C4BPA: variants seen among roughly 807,000 people sequenced by gnomAD.
C4BPA encodes the protein C4b-binding protein alpha chain.
Under a neutral mutation model 63.7 loss-of-function variants are expected in C4BPA, and 31 were observed. The ratio of observed to expected loss-of-function variants is 0.49; its 90% confidence interval spans 0.37 to 0.66. The LOEUF (loss-of-function observed/expected upper bound fraction) is 0.66, where lower values mean the gene tolerates loss of function less well. C4BPA is among the 30% of genes least tolerant of loss of function. C4BPA has a pLI of 0.00. For synonymous variants in C4BPA, 259 were observed against 254.7 expected, an observed-to-expected ratio of 1.02 and a Z score of -0.16; for missense variants, 572 against 723.3, an observed-to-expected ratio of 0.79 and a Z score of 2.40.
intron 1 of C4BPA, among the ~76,000 whole-genome samples, chr1:207,112,685 T>C (rs1684694078): frequency 6.6e-6 from 1 of 152,204 alleles, no homozygotes; most frequent in Non-Finnish European, 1.5e-5. Context: ...CAAATTGGAA[T>C]ATTATCTATT....
chr1:207,105,677 C>T (rs1392071004), intron 1 of C4BPA, among the ~76,000 whole-genome samples: 1 of 151,710 alleles, frequency 6.6e-6, no homozygotes, highest in African/African-American at 2.4e-5. Context: ...AGGAAGAAGA[C>T]ACTCAGCCCG....
At chr1:207,105,562 AAAAAAAAAAAAG>A (rs1483966482) in intron 1 of C4BPA, among the ~76,000 whole-genome samples, 92 of 151,176 alleles carry the variant, frequency 6.1e-4, no homozygotes, top group African/African-American at 1.9e-3. Flanking sequence ...CACCTCAAAA[AAAAAAAAAAAAG>A]AAAAAAAAAA....
intron 1 of C4BPA, among the ~76,000 whole-genome samples, chr1:207,106,998 A>G (rs1684575282): frequency 6.6e-6 from 1 of 152,210 alleles, no homozygotes; most frequent in African/African-American, 2.4e-5. Context: ...CTTGTCTTCA[A>G]GGAATTCACA....
At chr1:207,124,083 G>T in intron 5 of C4BPA, 76 bp downstream of exon 5, 1 of 1,477,862 alleles carries the variant, frequency 6.8e-7, no homozygotes, top group Non-Finnish European at 9.5e-7. Context: ...ATCTTTACAG[G>T]TATGTGTACC....
intron 8 of C4BPA, 100 bp from the exon 9 acceptor site, chr1:207,134,304 T>C: frequency 1.2e-6 from 1 of 851,634 alleles, no homozygotes; most frequent in Non-Finnish European, 1.9e-6. Context: ...CAATCTCTCT[T>C]CAGTGGTGAG....
intron 6 of C4BPA, among the ~76,000 whole-genome samples, chr1:207,125,117 C>T (rs901346299): frequency 1.3e-5 from 2 of 152,144 alleles, no homozygotes; most frequent in African/African-American, 4.8e-5. Flanking sequence ...GCTTACTAAC[C>T]CACCACAGGA....
intron 1 of C4BPA, among the ~76,000 whole-genome samples, chr1:207,111,496 T>C (rs114007114): frequency 0.022 from 3,382 of 152,208 alleles, 115 homozygotes; most frequent in African/African-American, 0.077. Flanking sequence ...CAGAACTAAG[T>C]TTTAGAAAGA....
rs1336216532 is a variant in C4BPA, at chr1:207,117,321, CG to C, written c.428+1807del. 2.0e-5 allele frequency among the ~76,000 whole-genome samples: 3 copies of C among 152,188 alleles called. No homozygotes were observed. The East Asian group carries it at 5.8e-4, about 29-fold the overall frequency. On this transcript the variant is annotated intron_variant, in intron 4 of 11. Coordinates refer to ENST00000367070, the MANE Select transcript of C4BPA (RefSeq NM_000715.4). ...AAAACATTAGCCGAGTGTGGTAGCA[CG>C]CACTTCTAGTCCCAGCTATGCAACA...
chr1:207,133,356 T>A (rs1466621148), intron 8 of C4BPA, among the ~76,000 whole-genome samples: 3 of 152,252 alleles, frequency 2.0e-5, no homozygotes, highest in Non-Finnish European at 4.4e-5. Flanking sequence ...ATGTAATATT[T>A]TATTCTGTTT....
chr1:207,131,859 C>G, intron 8 of C4BPA, 119 bp downstream of exon 8: 1 of 699,842 alleles, frequency 1.4e-6, no homozygotes, highest in Non-Finnish European at 2.4e-6. Context: ...GTTAATTCAA[C>G]AGATTAGTAA....
intron 10 of C4BPA, among the ~76,000 whole-genome samples, chr1:207,142,244 T>C (rs1425715184): frequency 2.0e-5 from 3 of 152,228 alleles, no homozygotes; most frequent in Non-Finnish European, 4.4e-5. Context: ...GCAAAGGACA[T>C]GAACTCATTC....
intron 9 of C4BPA, 66 bp downstream of exon 9, chr1:207,134,658 G>A (rs1685240703): frequency 8.4e-7 from 1 of 1,186,030 alleles, no homozygotes; most frequent in Non-Finnish European, 1.2e-6. Context: ...AGATTATTAA[G>A]AGAAGGTTTA....
At chr1:207,109,234 T>C (rs78036015) in intron 1 of C4BPA, among the ~76,000 whole-genome samples, 9,775 of 152,284 alleles carry the variant, frequency 0.064, 912 homozygotes, top group African/African-American at 0.2. Context: ...GATGCTCCTC[T>C]GCACTGGGGT....
At chr1:207,116,492 C>A (rs1366278187) in intron 4 of C4BPA, among the ~76,000 whole-genome samples, 1 of 142,598 alleles carries the variant, frequency 7.0e-6, no homozygotes, top group Non-Finnish European at 1.5e-5. Context: ...TAACTTTTCC[C>A]ACAGTGTGTG....
chr1:207,105,969 A>G lies in C4BPA; in HGVS notation c.-26+1539A>G, dbSNP rs146111809. Among the ~76,000 whole-genome samples the G allele has an allele frequency of 7.9e-5, 12 of 152,366 alleles. No homozygotes were observed. In the East Asian group the frequency reaches 2.1e-3, roughly 27 times the overall value. On this transcript the variant is annotated intron_variant, in intron 1 of 11. Coordinates refer to ENST00000367070, the MANE Select transcript of C4BPA (RefSeq NM_000715.4). ...TATGAAAGTTGGCTAGAGTAGTCTC[A>G]GCTTTTCAGTGAGCAGTTACAGAAT...
At chr1:207,107,288 C>T (rs1684580904) in intron 1 of C4BPA, among the ~76,000 whole-genome samples, 1 of 152,194 alleles carries the variant, frequency 6.6e-6, no homozygotes, top group Non-Finnish European at 1.5e-5. Flanking sequence ...TGGCTCACGC[C>T]TATAATTCCA....
intron 1 of C4BPA, among the ~76,000 whole-genome samples, chr1:207,105,332 C>T (rs535592965): frequency 2.6e-5 from 4 of 151,864 alleles, no homozygotes; most frequent in Admixed American, 1.3e-4. Context: ...CCGAGGCTGG[C>T]GGATCACCTG....
At chr1:207,127,085 ATT>A (rs1326338842) in intron 7 of C4BPA, 190 bp downstream of exon 7, 3 of 456,692 alleles carry the variant, frequency 6.6e-6, no homozygotes, top group Non-Finnish European at 7.7e-6. Flanking sequence ...AAGGTCATAT[ATT>A]GTCACACAAA....
At chr1:207,114,062 G>T in intron 2 of C4BPA, 38 bp from the exon 3 acceptor site, 2 of 1,561,388 alleles carry the variant, frequency 1.3e-6, no homozygotes, top group Non-Finnish European at 1.8e-6. Flanking sequence ...GTGTCCCAAG[G>T]TATAAGTTTT....
Sources: allele counts gnomAD v4.1 joint callset (sites outside exome capture counted in the v4.1 genomes callset), GRCh38; gene constraint gnomAD v4.1.1; transcripts MANE v1.5; gene names NCBI Gene and HGNC (gene_info 2026-07-23, HGNC 2026-07-21).